Variants in CUX1 observed in about 807,000 individuals in gnomAD.
The protein encoded by CUX1 is cut like homeobox 1, also known as protein CASP.
CUX1 carries 31 observed loss-of-function variants against 158.8 expected under a neutral mutation model. The observed-to-expected ratio is 0.20, with a 90% CI of 0.15 to 0.26. The LOEUF is 0.26. Among genes scored for constraint, CUX1 ranks in the 10% least tolerant of loss-of-function variants. CUX1 has a pLI of 1.00. For synonymous variants in CUX1, 879 were observed against 862.1 expected (o/e 1.02, Z -0.34); for missense variants, 1,589 against 2,014.6 (o/e 0.79, Z 4.04).
At position 102,041,415 on chromosome 7, in the gene CUX1, C is replaced by T. The variant is rs186052049; in HGVS notation, c.189+13270C>T. Reference sequence around the variant, plus strand: ...GATTTCAGGTGTGCGCCACCATGTCCGGCTAATTTTGTATTATTAGAAGAG... The same window carrying T: ...GATTTCAGGTGTGCGCCACCATGTCTGGCTAATTTTGTATTATTAGAAGAG... On this transcript the variant is annotated intron_variant, in intron 3 of 23. Transcript: ENST00000292535. Among the ~76,000 whole-genome samples the T allele has an allele frequency of 1.3e-3, 199 of 150,430 alleles. 1 individual carries two copies. Among genetic ancestry groups the T allele is most frequent in the Admixed American group, 5.9e-3 (89 of 15,060 alleles).
chr7:102,170,419 T>C (rs782354946), intron 9 of CUX1, 27 bp from the exon 10 acceptor site: 22 of 1,475,520 alleles, frequency 1.5e-5, no homozygotes, highest in Non-Finnish European at 1.9e-5. Context: ...ATGTACTTTC[T>C]CTTTCACCCC....
intron 3 of CUX1, among the ~76,000 whole-genome samples, chr7:102,045,421 C>T (rs977606053): frequency 1.1e-4 from 17 of 152,256 alleles, no homozygotes; most frequent in African/African-American, 3.9e-4. Flanking sequence ...CCGCCACTGC[C>T]GGGTGCCACT....
chr7:102,041,059 C>T (rs1822010115), intron 3 of CUX1, among the ~76,000 whole-genome samples: 4 of 151,502 alleles, frequency 2.6e-5, no homozygotes, highest in South Asian at 2.1e-4. Flanking sequence ...GAGGCTGAGG[C>T]GGGTGGATCA....
chr7:101,965,484 T>A (rs1284532727), intron 2 of CUX1, among the ~76,000 whole-genome samples: 1 of 152,158 alleles, frequency 6.6e-6, no homozygotes, highest in Non-Finnish European at 1.5e-5. Context: ...GCATATGGCC[T>A]GGCCCTGTCC....
At chr7:102,264,728 C>T (rs1468542419) in intron 14 of CUX1, 1 of 152,492 alleles carries the variant, frequency 6.6e-6, no homozygotes, top group Non-Finnish European at 1.5e-5. Flanking sequence ...ACAGCCATGC[C>T]AGATGAGCTG....
At chr7:102,097,590 C>G (rs1829334539) in intron 5 of CUX1, 89 bp downstream of exon 5, 20 of 1,351,476 alleles carry the variant, frequency 1.5e-5, no homozygotes, top group Non-Finnish European at 2.0e-5. Context: ...ACTTTTGAGA[C>G]CAGCTCTCCT....
intron 11 of CUX1, among the ~76,000 whole-genome samples, chr7:102,185,072 A>G (rs1554514897): frequency 1.3e-5 from 2 of 152,178 alleles, no homozygotes; most frequent in Admixed American, 1.3e-4. Context: ...TGGCTCTGCT[A>G]CAGAATAGCG....
At chr7:102,280,812 G>C in exon 20 of CUX1, 1 of 1,613,122 alleles carries the variant, frequency 6.2e-7, no homozygotes, top group South Asian at 1.1e-5. Context: ...AGGAGCGGCA[G>C]AGGAAGTACC....
Position 102,249,015 on chromosome 7 carries a change from G to T in CUX1, c.4491G>T (p.Arg1497=). Reference sequence around the variant, plus strand: ...ACCGCCTGGAGAAGGCCGCCAGCCGGGAGGAACCTATCGAATGGGAGTTCT... The same window carrying T: ...ACCGCCTGGAGAAGGCCGCCAGCCGTGAGGAACCTATCGAATGGGAGTTCT... ...IIHRLEKAAS[R]EEPIEWEF Residue 1497 remains arginine, a synonymous_variant, in exon 24 of 24, where the codon CGG becomes CGT. Coordinates refer to ENST00000292535, the MANE Select transcript of CUX1 (RefSeq NM_181552.4). 2 of 1,389,954 alleles carry T rather than the reference G, an allele frequency of 1.4e-6. No individual in the cohort carries two copies. The allele number at this position is 1,389,954 out of a possible 1,614,324, so 86.1% of individuals were successfully genotyped here. A position where few individuals can be genotyped will look rare whatever the true frequency, so the allele number is the denominator to read the frequency against.
intron 3 of CUX1, among the ~76,000 whole-genome samples, chr7:102,053,313 T>A (rs1823748889): frequency 6.6e-6 from 1 of 152,210 alleles, no homozygotes. Context: ...TTTTAATTTT[T>A]GTGGGGATGT....
intron 3 of CUX1, among the ~76,000 whole-genome samples, chr7:102,028,690 A>G (rs574573466): frequency 6.6e-6 from 1 of 152,320 alleles, no homozygotes; most frequent in Admixed American, 6.5e-5. Flanking sequence ...CATCTGGCAG[A>G]CGGCACGTGG....
intron 2 of CUX1, among the ~76,000 whole-genome samples, chr7:102,000,406 T>TCTGACCCAGGCTTCTTTCTCATCCGC (rs1251582717): frequency 6.6e-6 from 1 of 152,234 alleles, no homozygotes; most frequent in Non-Finnish European, 1.5e-5. Context: ...AGTGCATGCG[T>TCTGACCCAGGCTTCTTTCTCATCCGC]CTGACCCAGG....
chr7:101,866,339 T>C (rs1379993153), intron 1 of CUX1, among the ~76,000 whole-genome samples: 1 of 151,386 alleles, frequency 6.6e-6, no homozygotes, highest in Admixed American at 6.6e-5. Context: ...AGTGTGGTAG[T>C]GCACGCCTGT....
At chr7:102,160,586 C>A (rs1046038018) in intron 9 of CUX1, among the ~76,000 whole-genome samples, 1 of 152,036 alleles carries the variant, frequency 6.6e-6, no homozygotes, top group Non-Finnish European at 1.5e-5. Flanking sequence ...TCCTGTGTGG[C>A]CTTGACGGGT....
chr7:101,872,604 A>G (rs1798687988), intron 1 of CUX1, among the ~76,000 whole-genome samples: 1 of 151,490 alleles, frequency 6.6e-6, no homozygotes, highest in Non-Finnish European at 1.5e-5. Flanking sequence ...TTAGGTACAT[A>G]GGAATTTATA....
At chr7:102,180,902 TTTTATTTTATTTTATTGTA>T (rs1563363530) in intron 11 of CUX1, among the ~76,000 whole-genome samples, 44 of 88,868 alleles carry the variant, frequency 5.0e-4, no homozygotes, top group African/African-American at 2.8e-3. Context: ...TAAATTTTTA[TTTTATTTTATTTTATTGTA>T]TTTTATTTTA....
At chr7:102,247,791 A>G (rs1438782169) in intron 23 of CUX1, among the ~76,000 whole-genome samples, 1 of 152,244 alleles carries the variant, frequency 6.6e-6, no homozygotes, top group Non-Finnish European at 1.5e-5. Context: ...ACTGCACTCC[A>G]GTCTGGGTGA....
At chr7:101,994,496 G>T (rs542204681) in intron 2 of CUX1, among the ~76,000 whole-genome samples, 6 of 152,090 alleles carry the variant, frequency 3.9e-5, no homozygotes, top group Non-Finnish European at 8.8e-5. Flanking sequence ...AGCTACTCGG[G>T]AGGCTGAGGC....
chr7:102,070,599 G>C (rs1191690329), intron 4 of CUX1, among the ~76,000 whole-genome samples, 182 bp downstream of exon 4: 3 of 152,192 alleles, frequency 2.0e-5, no homozygotes, highest in South Asian at 4.1e-4. Context: ...TTTGGGTACG[G>C]AGGGAAATTG....
Sources: gnomAD v4.1 joint callset for allele counts (sites outside exome capture counted in the v4.1 genomes callset) on GRCh38, gnomAD v4.1.1 for gene constraint, MANE v1.5 for transcripts, NCBI Gene and HGNC (gene_info 2026-07-23, HGNC 2026-07-21) for gene names.